Variants in KCNQ2 observed in about 807,000 individuals in gnomAD.
KCNQ2 encodes potassium voltage-gated channel subfamily KQT member 2.
A neutral mutation model predicts 84.8 loss-of-function variants in KCNQ2; 14 were observed. The ratio of observed to expected loss-of-function variants is 0.17; its 90% CI spans 0.11 to 0.26. The LOEUF is 0.26. Among genes scored for constraint, KCNQ2 ranks in the 10% least tolerant of loss-of-function variants. The probability of loss-of-function intolerance (pLI) is 1.00; values close to 1 mark genes in which losing one functional copy is unlikely to be tolerated. For missense variants in KCNQ2, 788 were observed against 1,254.0 expected, an observed-to-expected ratio of 0.63 and a Z score of 5.61; for synonymous variants, 599 against 554.1, an observed-to-expected ratio of 1.08 and a Z score of -1.14.
chr20:63,465,929 C>T (rs1363561667), intron 1 of KCNQ2, among the ~76,000 whole-genome samples: 1 of 152,186 alleles, frequency 6.6e-6, no homozygotes, highest in Non-Finnish European at 1.5e-5. Context: ...GGCGTCCCGG[C>T]GGGTCCTCTG....
chr20:63,451,137 C>CAA (rs58922723), intron 1 of KCNQ2, among the ~76,000 whole-genome samples: 10 of 110,060 alleles, frequency 9.1e-5, no homozygotes, highest in Non-Finnish European at 1.2e-4. Context: ...GACTCTGTCC[C>CAA]AAAAAAAAAA....
chr20:63,430,084 C>T (rs940190847), intron 9 of KCNQ2, among the ~76,000 whole-genome samples: 5 of 152,250 alleles, frequency 3.3e-5, no homozygotes, highest in Non-Finnish European at 7.3e-5. Context: ...CACACGCACG[C>T]AGGCCCAGGT....
chr20:63,433,016 T>C (rs1410117008), intron 8 of KCNQ2, among the ~76,000 whole-genome samples: 1 of 152,110 alleles, frequency 6.6e-6, no homozygotes, highest in Admixed American at 6.5e-5. Context: ...GGCAAGGTGG[T>C]GCCCACACAG....
chr20:63,431,219 G>C, intron 9 of KCNQ2, 121 bp downstream of exon 9: 1 of 1,141,282 alleles, frequency 8.8e-7, no homozygotes, highest in East Asian at 2.3e-5. Context: ...GGTGGGCAGG[G>C]ACAGTGGTCA....
intron 5 of KCNQ2, among the ~76,000 whole-genome samples, chr20:63,440,301 C>T (rs759347685): frequency 2.0e-5 from 3 of 152,106 alleles, no homozygotes; most frequent in African/African-American, 4.8e-5. Context: ...CCAAGGGTCC[C>T]GGTGAGCCCA....
intron 7 of KCNQ2, chr20:63,434,191 C>A (rs568957744): frequency 3.3e-5 from 16 of 487,394 alleles, no homozygotes; most frequent in African/African-American, 2.9e-4. Flanking sequence ...AGGCTGTGTT[C>A]TTTCCTTTTC....
intron 4 of KCNQ2, 44 bp from the exon 5 acceptor site, chr20:63,442,575 A>C: frequency 1.9e-6 from 3 of 1,606,064 alleles, no homozygotes; most frequent in Non-Finnish European, 2.6e-6. Context: ...CATCACCAGA[A>C]GCATCACCAT....
At chr20:63,453,497 G>A (rs187044604) in intron 1 of KCNQ2, among the ~76,000 whole-genome samples, 252 of 152,372 alleles carry the variant, frequency 1.7e-3, no homozygotes, top group Admixed American at 4.4e-3. Context: ...TCCTCTGTCT[G>A]CCTAACGGGG....
At position 63,455,892 on chromosome 20, in the gene KCNQ2, G is replaced by C. The variant is rs7508914; in HGVS notation, c.297-9055C>G. Among the ~76,000 whole-genome samples the C allele has an allele frequency of 1.2e-3, 71 of 57,738 alleles. 1 individual carries two copies. Among genetic ancestry groups the C allele is most frequent in the South Asian group, 3.6e-3 (6 of 1,666 alleles). 37.9% of individuals were successfully genotyped at this position (57,738 alleles called of 152,430 possible). A position where few individuals can be genotyped will look rare whatever the true frequency, so the allele number is the denominator to read the frequency against. The stretch of plus-strand genomic sequence containing the variant: ...GGCCCCCCACCTCCGGGAGACCCCT[G>C]TGCTCACGGGCCCCCCACCTCCGGG... On this transcript the variant is annotated intron_variant, in intron 1 of 16. Coordinates refer to ENST00000359125, the MANE Select transcript of KCNQ2 (RefSeq NM_172107.4).
chr20:63,442,130 G>A (rs1419632161), intron 5 of KCNQ2, among the ~76,000 whole-genome samples: 1 of 151,926 alleles, frequency 6.6e-6, no homozygotes, highest in African/African-American at 2.4e-5. Context: ...TCACTCAGGA[G>A]GAAGGAAGAT....
chr20:63,439,787 G>T, intron 5 of KCNQ2, 79 bp from the exon 6 acceptor site: 1 of 1,096,094 alleles, frequency 9.1e-7, no homozygotes, highest in East Asian at 2.4e-5. Flanking sequence ...CTGGCGACTC[G>T]GGGCTTGGGA....
intron 1 of KCNQ2, among the ~76,000 whole-genome samples, chr20:63,452,018 G>A (rs1322771774): frequency 6.6e-6 from 1 of 152,260 alleles, no homozygotes; most frequent in African/African-American, 2.4e-5. Flanking sequence ...GAGGCTTCGG[G>A]CACAGGCGGC....
At position 63,468,702 on chromosome 20, in the gene KCNQ2, C is replaced by T. The variant is rs558638963; in HGVS notation, c.296+3466G>A. On this transcript the variant is annotated intron_variant, in intron 1 of 16. Transcript: ENST00000359125. ...ACCCTGGACCCCAGCTGAGGCCTGG[C>T]GCAAAAGCCAGGATGGCACAGCGAG... Among the ~76,000 whole-genome samples the T allele has an allele frequency of 1.2e-3, 188 of 152,372 alleles. 4 individuals are homozygous for T. The highest frequency in any genetic ancestry group is 3.6e-3 in the Admixed American group (55 of 15,306).
chr20:63,438,111 G>A lies in KCNQ2; in HGVS notation c.1023+514C>T, dbSNP rs1458624740. 5.6e-6 allele frequency: 1 copy of A among 178,840 alleles called. No homozygotes were observed. Among genetic ancestry groups the A allele is most frequent in the Non-Finnish European group, 1.2e-5 (1 of 83,166 alleles). The allele number at this position is 178,840 out of a possible 1,614,324, so 11.1% of individuals were successfully genotyped here. On this transcript the variant is annotated intron_variant, in intron 7 of 16. Transcript: ENST00000359125. The surrounding 1 kb of genome is among the most constrained non-coding windows in gnomAD (Gnocchi z 5.1). ...GCGTGAGCCACTGTGCCCGGCCATT[G>A]TCTGTCCGTATTTTCAAGGTGGCTC...
chr20:63,472,433 A>G lies in KCNQ2; in HGVS notation c.31T>C (p.Tyr11His), dbSNP rs1270851643. MVQKSRNGGV[Y>H]PGPSGEKKLK... Reference sequence around the variant, plus strand: ...TTCTTCTCCCCGCTCGGGCCGGGGTATACGCCGCCGTTGCGCGACTTCTGC... The same window carrying G: ...TTCTTCTCCCCGCTCGGGCCGGGGTGTACGCCGCCGTTGCGCGACTTCTGC... Residue 11 changes from tyrosine (Y) to histidine (H), a missense_variant, in exon 1 of 17, where the codon TAC becomes CAC. Physicochemically the swap from Tyr to His is moderately conservative, Grantham distance 83. Around this residue, in one of 8 missense-constraint regions of KCNQ2, gnomAD observed 41 missense variants for 41.2 expected, o/e 0.99. Coordinates refer to ENST00000359125, the MANE Select transcript of KCNQ2 (RefSeq NM_172107.4). 7.8e-6 allele frequency: 12 copies of G among 1,534,968 alleles called. No individual in the cohort carries two copies. Among genetic ancestry groups the G allele is most frequent in the Non-Finnish European group, 1.0e-5 (12 of 1,146,970 alleles).
intron 1 of KCNQ2, among the ~76,000 whole-genome samples, chr20:63,469,763 C>T (rs903616801): frequency 7.2e-5 from 11 of 152,272 alleles, no homozygotes; most frequent in Non-Finnish European, 1.5e-4. Context: ...GATGAACAAA[C>T]AGACCAAATG....
intron 1 of KCNQ2, among the ~76,000 whole-genome samples, chr20:63,453,395 G>A (rs529646235): frequency 3.3e-5 from 5 of 152,336 alleles, no homozygotes; most frequent in African/African-American, 7.2e-5. Context: ...TTTCCAAGCC[G>A]CGATTAATTT....
chr20:63,414,885 G>A lies in KCNQ2; in HGVS notation c.1525+18C>T, dbSNP rs2145554822. On this transcript the variant is annotated intron_variant, in intron 13 of 16. Transcript: ENST00000359125. The surrounding 1 kb of genome is among the most constrained non-coding windows in gnomAD (Gnocchi z 6.6). ...TCCCCGGAGAGGATGGACCAGGAGAGGATGCGGCCACACCCACCTTCTGAG... is the reference window on the plus strand; with the variant it reads ...TCCCCGGAGAGGATGGACCAGGAGAAGATGCGGCCACACCCACCTTCTGAG... 1 of 1,609,788 alleles carries A rather than the reference G, an allele frequency of 6.2e-7. No homozygotes were observed. Among genetic ancestry groups the A allele is most frequent in the Non-Finnish European group, 8.5e-7 (1 of 1,177,996 alleles).
intron 10 of KCNQ2, chr20:63,424,417 G>C (rs893793065): frequency 1.7e-6 from 1 of 602,928 alleles, no homozygotes; most frequent in South Asian, 2.0e-5. Context: ...AGGCAGCTCC[G>C]AGAGGGAAGA....
Sources: gnomAD v4.1 joint callset for allele counts (sites outside exome capture counted in the v4.1 genomes callset) on GRCh38, gnomAD v4.1.1 for gene constraint, gnomAD v4.1.1 regional missense constraint, Gnocchi (gnomAD v3.1) non-coding constraint, MANE v1.5 for transcripts, NCBI Gene and HGNC (gene_info 2026-07-23, HGNC 2026-07-21) for gene names.